The following TACC1 variants were observed in gnomAD, a reference collection of about 807,000 sequenced individuals.
TACC1 encodes transforming acidic coiled-coil-containing protein 1.
In TACC1, 48 loss-of-function variants were observed where a neutral mutation model predicts 84.4. That is an observed-to-expected ratio of 0.57 (90% CI 0.45 to 0.72). TACC1 has a LOEUF of 0.72. TACC1 is among the 30% of genes least tolerant of loss of function. The pLI is 0.00. For missense variants in TACC1, 920 were observed against 973.0 expected, an observed-to-expected ratio of 0.95 and a Z score of 0.72; for synonymous variants, 372 against 376.3, an observed-to-expected ratio of 0.99 and a Z score of 0.13.
In TACC1 at chr8:38,770,499, T is replaced by C. The variant is rs539664394; in HGVS notation, c.27-18205T>C. Reference sequence around the variant, plus strand: ...CTTTTTTGGTCCTAGTTGAGCTCTCTTCCACTTTCATCACCAGAGGCTTGA... The same window carrying C: ...CTTTTTTGGTCCTAGTTGAGCTCTCCTCCACTTTCATCACCAGAGGCTTGA... On this transcript the variant is annotated intron_variant, in intron 3 of 14. Coordinates refer to the TACC1 transcript ENST00000518415. 1.4e-4 allele frequency among the ~76,000 whole-genome samples: 22 copies of C among 152,250 alleles called. No homozygotes were observed. In the East Asian group the frequency reaches 4.3e-3, roughly 29 times the overall value.
At position 38,787,662 on chromosome 8, in the gene TACC1, C is replaced by T. The variant is rs369510759; in HGVS notation, c.80C>T (p.Ala27Val). 1.1e-5 allele frequency: 17 copies of T among 1,549,370 alleles called. No individual in the cohort carries two copies. The highest frequency in any genetic ancestry group is 2.4e-5 in the South Asian group (2 of 84,664). ...TGGTCTGCGGTACGCGGCGGGGCCG[C>T]CGGCGAGGACGAGGCTGGCGGGCCC... ...WTWSAVRGGAAGEDEAGGPEG... is the reference protein window; with the variant it reads ...WTWSAVRGGAVGEDEAGGPEG... The change falls in exon 1 of 13, where the codon GCC becomes GTC. Residue 27 changes from alanine (A) to valine (V), a missense_variant. Transcript: ENST00000317827.
At chr8:38,756,282 C>G (rs57680940) in intron 3 of TACC1, among the ~76,000 whole-genome samples, 1 of 151,912 alleles carries the variant, frequency 6.6e-6, no homozygotes, top group Non-Finnish European at 1.5e-5. Context: ...ACAGTGAAAT[C>G]GAAACAGATT....
chr8:38,756,624 A>T (rs966107831), intron 3 of TACC1, among the ~76,000 whole-genome samples: 1 of 152,182 alleles, frequency 6.6e-6, no homozygotes, highest in African/African-American at 2.4e-5. Context: ...TCAGAGCCTA[A>T]AGGGACATTA....
intron 3 of TACC1, among the ~76,000 whole-genome samples, chr8:38,752,322 T>A (rs1380992872): frequency 6.6e-6 from 1 of 151,974 alleles, no homozygotes; most frequent in African/African-American, 2.4e-5. Flanking sequence ...TACAAAAAAA[T>A]TAGCCAGATG....
At chr8:38,751,193 T>G (rs1466256935) in intron 3 of TACC1, among the ~76,000 whole-genome samples, 1 of 132,858 alleles carries the variant, frequency 7.5e-6, no homozygotes. Context: ...GGATGATTGC[T>G]AAGGGAAAAA....
chr8:38,848,073 T>C lies in TACC1; in HGVS notation c.*50T>C. On this transcript the variant is annotated 3_prime_UTR_variant, in exon 13 of 13. Transcript: ENST00000317827. ...GATCTGCATTTGGCTGCTTCTCTTG[T>C]GACCACAATTATCTTGCCTTATCCA... 1.9e-6 allele frequency: 3 copies of C among 1,545,164 alleles called. No homozygotes were observed. The highest frequency in any genetic ancestry group is 2.7e-6 in the Non-Finnish European group (3 of 1,125,038).
intron 3 of TACC1, among the ~76,000 whole-genome samples, chr8:38,771,315 G>C (rs186122922): frequency 3.3e-5 from 5 of 152,264 alleles, no homozygotes; most frequent in African/African-American, 1.2e-4. Context: ...ATTGAAGATG[G>C]GGGGTGATGT....
intron 2 of TACC1, 28 bp downstream of exon 2, chr8:38,788,847 C>G: frequency 1.3e-6 from 2 of 1,545,458 alleles, no homozygotes; most frequent in African/African-American, 1.4e-5. Flanking sequence ...TTTTTCCTGC[C>G]TGTTTTGTTT....
chr8:38,774,236 A>C lies in TACC1; in HGVS notation c.27-14468A>C, dbSNP rs576885897. ...TCTCCACCGATGCCGTCCACCAGCC[A>C]TTCTCAGAGCCCCCTGCAGTTCTTA... On this transcript the variant is annotated intron_variant, in intron 3 of 14. Coordinates refer to the TACC1 transcript ENST00000518415. 1.6e-4 allele frequency among the ~76,000 whole-genome samples: 25 copies of C among 152,322 alleles called. No individual in the cohort carries two copies. The East Asian group carries it at 3.1e-3, about 19-fold the overall frequency.
intron 3 of TACC1, among the ~76,000 whole-genome samples, chr8:38,821,884 C>T (rs1395379595): frequency 6.6e-6 from 1 of 152,124 alleles, no homozygotes; most frequent in Non-Finnish European, 1.5e-5. Flanking sequence ...CTATATGGTA[C>T]AGCCTGTTAC....
chr8:38,797,803 C>T lies in TACC1; in HGVS notation c.277+8984C>T, dbSNP rs545081860. ...TGCACAGGAGCCCCATCTGTTAGCA[C>T]GTGCTCTTTCCCCCCTTGCTCTTCC... On this transcript the variant is annotated intron_variant, in intron 2 of 12. Transcript: ENST00000317827. Among the ~76,000 whole-genome samples the T allele has an allele frequency of 2.0e-3, 311 of 152,334 alleles. 1 individual carries two copies. The highest frequency in any genetic ancestry group is 2.8e-3 in the Non-Finnish European group (193 of 68,034).
intron 2 of TACC1, among the ~76,000 whole-genome samples, chr8:38,798,079 T>C (rs987401981): frequency 2.6e-5 from 4 of 152,110 alleles, no homozygotes; most frequent in African/African-American, 9.7e-5. Context: ...TCTTACCTTA[T>C]AATCTTGGCC....
intron 2 of TACC1, among the ~76,000 whole-genome samples, chr8:38,794,554 G>A (rs1819525063): frequency 7.6e-6 from 1 of 130,928 alleles, no homozygotes; most frequent in Admixed American, 7.2e-5. Flanking sequence ...ACGTGTGTGT[G>A]TGTTTGTTTG....
chr8:38,742,511 TTTCC>T (rs1349481887), intron 2 of TACC1: 1 of 1,246,900 alleles, frequency 8.0e-7, no homozygotes, highest in Non-Finnish European at 1.1e-6. Flanking sequence ...AAAATTTTTA[TTTCC>T]TAGTGAAAAA....
chr8:38,824,805 G>A (rs1403393931), intron 3 of TACC1: 1 of 153,682 alleles, frequency 6.5e-6, no homozygotes, highest in Non-Finnish European at 1.4e-5. Context: ...ACTTTTTATT[G>A]ATGACAGTTC....
At position 38,820,627 on chromosome 8, in the gene TACC1, T is replaced by C. The variant is rs760119831; in HGVS notation, c.1383T>C (p.Arg461=). ...ILESPKKAKS[R]LITSGCKVKK... Reference sequence around the variant, plus strand: ...AATCACCCAAGAAGGCAAAGTCGCGTTTAATAACGTGAGTGACAGTGGGCG... The same window carrying C: ...AATCACCCAAGAAGGCAAAGTCGCGCTTAATAACGTGAGTGACAGTGGGCG... The change falls in exon 3 of 13, where the codon CGT becomes CGC. Residue 461 remains arginine (R), a synonymous_variant. Coordinates refer to ENST00000317827, the MANE Select transcript of TACC1 (RefSeq NM_006283.3). 3.1e-6 allele frequency: 5 copies of C among 1,604,118 alleles called. No individual in the cohort carries two copies. The African/African-American group carries it at 5.3e-5, about 17-fold the overall frequency.
rs1283995249 is a variant in TACC1, at chr8:38,851,168, G to C, written c.*3145G>C. ...TTAGGAAGTGCAGAAGCACATGATG[G>C]TGAAAAACCTAGGATTTGGCAGCCT... is the stretch of plus-strand genomic sequence containing the variant. On this transcript the variant is annotated 3_prime_UTR_variant, in exon 13 of 13. Coordinates refer to ENST00000317827, the MANE Select transcript of TACC1 (RefSeq NM_006283.3). 1 of 152,204 alleles carries C rather than the reference G, an allele frequency of 6.6e-6. No individual in the cohort carries two copies. The highest frequency in any genetic ancestry group is 6.5e-5 in the Admixed American group (1 of 15,286). 9.4% of individuals were successfully genotyped at this position (152,204 alleles called of 1,614,324 possible).
rs113261268 is a variant in TACC1, at chr8:38,823,404, C to T, written c.1392-1904C>T. On this transcript the variant is annotated intron_variant, in intron 3 of 12. Transcript: ENST00000317827. ...GCACGTCACTGCCTAGGTACTTCCT[C>T]CCCTAAATGTGGGATGCTTCTGCAT... is the stretch of plus-strand genomic sequence containing the variant. 4.4e-3 allele frequency among the ~76,000 whole-genome samples: 672 copies of T among 152,264 alleles called. 4 individuals carry two copies. Among genetic ancestry groups the T allele is most frequent in the African/African-American group, 0.015 (634 of 41,552 alleles).
rs551161717 is a variant in TACC1 at position 38,795,485 on chromosome 8, A to G, written c.277+6666A>G. 7.2e-5 allele frequency among the ~76,000 whole-genome samples: 11 copies of G among 152,376 alleles called. No homozygotes were observed. In the South Asian group the frequency reaches 2.1e-3, roughly 29 times the overall value. On this transcript the variant is annotated intron_variant, in intron 2 of 12. Coordinates refer to ENST00000317827, the MANE Select transcript of TACC1 (RefSeq NM_006283.3). ...TGTTTTGGGAGCCGGCAGTCCTTCT[A>G]AAATTATATTGCTGCCATGTAATGT... is the stretch of plus-strand genomic sequence containing the variant.
Sources: gnomAD v4.1 joint callset for allele counts (sites outside exome capture counted in the v4.1 genomes callset) on GRCh38, gnomAD v4.1.1 for gene constraint, MANE v1.5 for transcripts, NCBI Gene and HGNC (gene_info 2026-07-23, HGNC 2026-07-21) for gene names.